Variants in POTEC observed in about 807,000 individuals in gnomAD.
POTEC encodes POTE ankyrin domain family member C, also known as ANKRD26-like family B member 2.
A neutral mutation model predicts 62.0 loss-of-function variants in POTEC; 35 were observed. The ratio of observed to expected loss-of-function variants is 0.56; its 90% CI spans 0.43 to 0.75. The LOEUF (loss-of-function observed/expected upper bound fraction) is 0.75, where lower values mean the gene tolerates loss of function less well. POTEC is among the 30% of genes least tolerant of loss of function. The probability of loss-of-function intolerance (pLI) is 0.00; values close to 1 mark genes in which losing one functional copy is unlikely to be tolerated. For missense variants in POTEC, 472 were observed against 655.9 expected (o/e 0.72, Z 3.06); for synonymous variants, 156 against 221.5 (o/e 0.70, Z 2.62).
chr18:14,515,864 T>C (rs1910136415), intron 9 of POTEC, among the ~76,000 whole-genome samples: 2 of 151,640 alleles, frequency 1.3e-5, no homozygotes, highest in Non-Finnish European at 2.9e-5. Context: ...AGTGGGCACA[T>C]GACATGAATA....
At chr18:14,539,395 G>A (rs1202606893) in intron 1 of POTEC, among the ~76,000 whole-genome samples, 1 of 148,002 alleles carries the variant, frequency 6.8e-6, no homozygotes, top group South Asian at 2.2e-4. Flanking sequence ...CCTAGTACCC[G>A]TTAGTTCTAT....
At position 14,513,734 on chromosome 18, in the gene POTEC, T is replaced by C. The variant is rs774500531; in HGVS notation, c.1461A>G (p.Gly487=). 101 of 1,611,418 alleles carry C rather than the reference T, an allele frequency of 6.3e-5. No individual in the cohort carries two copies. The highest frequency in any genetic ancestry group is 3.3e-5 in the South Asian group (3 of 90,718). The change falls in exon 10 of 11, where the codon GGA becomes GGG. Residue 487 remains glycine, a synonymous_variant. Transcript: ENST00000358970. ...RKQLSEEQNT[G]ISQDEILTNK... ...TAGTCAGAATCTCATCTTGTGATAT[T>C]CCAGTGTTCTGTTCTTCAGAAAGTT... is the stretch of plus-strand genomic sequence containing the variant.
chr18:14,520,970 C>CA (rs879678431), intron 9 of POTEC, among the ~76,000 whole-genome samples: 4 of 151,032 alleles, frequency 2.6e-5, no homozygotes, highest in African/African-American at 4.9e-5. Flanking sequence ...GACCCTGTCT[C>CA]AAAAAAAATA....
intron 6 of POTEC, among the ~76,000 whole-genome samples, chr18:14,529,541 T>C (rs1403749494): frequency 6.6e-6 from 1 of 152,206 alleles, no homozygotes; most frequent in Non-Finnish European, 1.5e-5. Flanking sequence ...GTTTGGATTA[T>C]ACAATGTATT....
At position 14,537,829 on chromosome 18, in the gene POTEC, T is replaced by C; in HGVS notation, c.782A>G (p.Tyr261Cys). ...GTTTTTTGATTCAATATCAGCACCA[T>C]ATAAGAGCAGTGCTTTGGCCATTAA... ...DKLMAKALLL[Y>C]GADIESKNKC... Residue 261 changes from tyrosine (Y) to cysteine (C), a missense_variant, in exon 3 of 11, where the codon TAT becomes TGT. Transcript: ENST00000358970. 5.6e-6 allele frequency: 9 copies of C among 1,611,808 alleles called. No individual in the cohort carries two copies. Among genetic ancestry groups the C allele is most frequent in the Non-Finnish European group, 7.6e-6 (9 of 1,179,588 alleles).
At chr18:14,533,518 A>AT (rs1319223386) in intron 4 of POTEC, among the ~76,000 whole-genome samples, 1 of 152,156 alleles carries the variant, frequency 6.6e-6, no homozygotes, top group Non-Finnish European at 1.5e-5. Context: ...TTAAGTGAAG[A>AT]TTTTGTCACA....
intron 1 of POTEC, 120 bp downstream of exon 1, chr18:14,542,506 C>A: frequency 6.6e-7 from 1 of 1,505,564 alleles, no homozygotes; most frequent in South Asian, 1.3e-5. Context: ...GGTTTCCACA[C>A]CCAGGGTGGT....
In POTEC at chr18:14,511,579, A is replaced by C. The variant is rs2143102354; in HGVS notation, c.*319T>G. The C allele has an allele frequency of 2.2e-6, 1 of 454,744 alleles. No homozygotes were observed. Among genetic ancestry groups the C allele is most frequent in the Non-Finnish European group, 3.9e-6 (1 of 256,594 alleles). The allele number at this position is 454,744 out of a possible 1,614,324, so 28.2% of individuals were successfully genotyped here. On this transcript the variant is annotated 3_prime_UTR_variant, in exon 11 of 11. Coordinates refer to ENST00000358970, the MANE Select transcript of POTEC (RefSeq NM_001137671.2). ...TTTTCTCCTGTAAATAAACCTGTTC[A>C]TGTTTGTTCTCTGGAAAGAAGTCCC...
Position 14,511,927 on chromosome 18 carries a change from C to T in POTEC, c.1600G>A (p.Ala534Thr). Residue 534 changes from alanine (A) to threonine (T), a missense_variant, in exon 11 of 11, where the codon GCC becomes ACC. This residue lies in a region of POTEC where 67 missense variants were observed against 58.3 expected (regional missense o/e 1.15). Coordinates refer to ENST00000358970, the MANE Select transcript of POTEC (RefSeq NM_001137671.2). Reference protein sequence around the residue: ...RENSMLQEEIAMLISGDWN With the variant: ...RENSMLQEEITMLISGDWN ...TTCCAGTCTCCAGAAATTAGCATGG[C>T]AATTTCTTCCTGCAACATGCTGTTT... The T allele has an allele frequency of 1.9e-6, 3 of 1,613,818 alleles. No individual in the cohort carries two copies. The highest frequency in any genetic ancestry group is 2.5e-6 in the Non-Finnish European group (3 of 1,179,824).
chr18:14,525,939 G>A (rs1367076946), intron 6 of POTEC, among the ~76,000 whole-genome samples: 3 of 151,524 alleles, frequency 2.0e-5, no homozygotes, highest in Non-Finnish European at 4.4e-5. Context: ...GTCTTGCTCT[G>A]TCACCAGGCT....
At chr18:14,538,937 G>C (rs1189448688) in intron 1 of POTEC, among the ~76,000 whole-genome samples, 1 of 152,134 alleles carries the variant, frequency 6.6e-6, no homozygotes, top group South Asian at 2.1e-4. Flanking sequence ...CTTACATTAA[G>C]TAGAATATGT....
Position 14,511,694 on chromosome 18 carries a change from C to G in POTEC, c.*204G>C. On this transcript the variant is annotated 3_prime_UTR_variant, in exon 11 of 11. Transcript: ENST00000358970. ...AATTTCCATTTCCAGTGTTTCCTAG[C>G]TGTGTCTTACATTCTCCAGTTCAGA... The G allele has an allele frequency of 1.6e-6, 1 of 615,264 alleles. No individual in the cohort carries two copies. The highest frequency in any genetic ancestry group is 2.9e-6 in the Non-Finnish European group (1 of 342,436). 38.1% of individuals were successfully genotyped at this position (615,264 alleles called of 1,614,324 possible).
At chr18:14,520,384 A>G in intron 9 of POTEC, among the ~76,000 whole-genome samples, 1 of 150,850 alleles carries the variant, frequency 6.6e-6, no homozygotes, top group East Asian at 2.0e-4. Context: ...GCTTATACAT[A>G]AAGACCAAGA....
At chr18:14,523,546 AT>A (rs1198734191) in intron 7 of POTEC, 39 bp from the exon 8 acceptor site, 1 of 1,588,284 alleles carries the variant, frequency 6.3e-7, no homozygotes, top group Non-Finnish European at 8.6e-7. Flanking sequence ...TGCTTGTTGT[AT>A]TTCCATGTAT....
chr18:14,529,456 T>A (rs1212051575), intron 6 of POTEC, among the ~76,000 whole-genome samples: 1 of 152,174 alleles, frequency 6.6e-6, no homozygotes, highest in Non-Finnish European at 1.5e-5. Flanking sequence ...CATCTTTGTC[T>A]CCTGCAACTT....
chr18:14,514,589 C>T (rs534529242), intron 9 of POTEC, among the ~76,000 whole-genome samples: 1 of 152,274 alleles, frequency 6.6e-6, no homozygotes, highest in South Asian at 2.1e-4. Context: ...TAACATAGAA[C>T]TTTGAATTCA....
In POTEC at chr18:14,509,170, G is replaced by GGCATTCAC. The variant is rs1258234092; in HGVS notation, c.*2720_*2727dup. On this transcript the variant is annotated 3_prime_UTR_variant, in exon 11 of 11. Coordinates refer to ENST00000358970, the MANE Select transcript of POTEC (RefSeq NM_001137671.2). ...ATGCAAAAGTCCCTGCCTCCCTGTG[G>GGCATTCAC]GCATTCACCCAGTGGTGGAGGCAAA... The GGCATTCAC allele has an allele frequency of 6.6e-6, 1 of 152,296 alleles. No homozygotes were observed. The highest frequency in any genetic ancestry group is 6.5e-5 in the Admixed American group (1 of 15,280). The allele number at this position is 152,296 out of a possible 1,614,324, so 9.4% of individuals were successfully genotyped here. A position where few individuals can be genotyped will look rare whatever the true frequency, so the allele number is the denominator to read the frequency against.
At chr18:14,540,822 G>C in intron 1 of POTEC, among the ~76,000 whole-genome samples, 1 of 152,178 alleles carries the variant, frequency 6.6e-6, no homozygotes, top group African/African-American at 2.4e-5. Flanking sequence ...AAGTACCACT[G>C]TTCTTCACCC....
chr18:14,514,264 C>T (rs1268341917), intron 9 of POTEC, among the ~76,000 whole-genome samples: 2 of 151,728 alleles, frequency 1.3e-5, no homozygotes, highest in African/African-American at 4.8e-5. Flanking sequence ...AGTCACACTC[C>T]TATGACAATC....
Sources: gnomAD v4.1 joint callset for allele counts (sites outside exome capture counted in the v4.1 genomes callset) on GRCh38, gnomAD v4.1.1 for gene constraint, gnomAD v4.1.1 regional missense constraint, MANE v1.5 for transcripts, NCBI Gene and HGNC (gene_info 2026-07-23, HGNC 2026-07-21) for gene names.